The following ABCC8 variants were observed in gnomAD, a reference collection of about 807,000 sequenced individuals.
The protein encoded by ABCC8 is ATP binding cassette subfamily C member 8.
In ABCC8, 137 loss-of-function variants were observed where a neutral mutation model predicts 188.0. The observed-to-expected ratio is 0.73, with a 90% CI of 0.63 to 0.84. ABCC8 has a LOEUF of 0.84. Among genes scored for constraint, ABCC8 ranks in the 40% least tolerant of loss-of-function variants. ABCC8 has a pLI of 0.00. For missense variants in ABCC8, 1,750 were observed against 2,072.7 expected, an observed-to-expected ratio of 0.84 and a Z score of 3.02; for synonymous variants, 797 against 846.5, an observed-to-expected ratio of 0.94 and a Z score of 1.01.
Position 17,410,510 on chromosome 11 carries a change from C to T in ABCC8, c.2694+6G>A. The T allele has an allele frequency of 6.2e-7, 1 of 1,614,150 alleles. No individual in the cohort carries two copies. The highest frequency in any genetic ancestry group is 8.5e-7 in the Non-Finnish European group (1 of 1,180,002). On this transcript the variant is annotated splice_donor_region_variant and intron_variant, in intron 22 of 38. Coordinates refer to ENST00000389817, the MANE Select transcript of ABCC8 (RefSeq NM_000352.6). ...CCTATAGCCTGACCCCCTTGTTCCC[C>T]CTCACCCAGTCTGCATGGGGCAGGT...
chr11:17,468,881 C>T (rs1250636641), intron 3 of ABCC8, among the ~76,000 whole-genome samples: 1 of 152,120 alleles, frequency 6.6e-6, no homozygotes, highest in African/African-American at 2.4e-5. Context: ...CAACCATCAT[C>T]CTGTTGCTTC....
chr11:17,441,510 T>C (rs143178690), intron 10 of ABCC8, among the ~76,000 whole-genome samples: 184 of 152,372 alleles, frequency 1.2e-3, no homozygotes, highest in African/African-American at 4.2e-3. Flanking sequence ...GTTTCTTTTT[T>C]GTTTTCTTCT....
chr11:17,397,636 G>A (rs2133410569), intron 31 of ABCC8, 48 bp downstream of exon 31: 1 of 1,591,422 alleles, frequency 6.3e-7, no homozygotes, highest in Middle Eastern at 1.7e-4. Flanking sequence ...GGTGCTCCGG[G>A]AGTGCTGGTG....
chr11:17,392,579 A>G (rs1953689003), downstream of ABCC8: 2 of 348,130 alleles, frequency 5.7e-6, no homozygotes, highest in South Asian at 2.3e-5. Context: ...AGTAAAGGTC[A>G]TGTGAGCACA....
intron 7 of ABCC8, among the ~76,000 whole-genome samples, chr11:17,450,682 C>A (rs1208802650): frequency 1.0e-5 from 1 of 97,808 alleles, no homozygotes; most frequent in East Asian, 3.1e-4. Flanking sequence ...CAGGCATGAG[C>A]CACTTTTTTT....
At chr11:17,398,234 C>T (rs1321870856) in intron 30 of ABCC8, 105 bp downstream of exon 30, 3 of 1,448,834 alleles carry the variant, frequency 2.1e-6, no homozygotes, top group East Asian at 2.4e-5. Flanking sequence ...TTGGTGTCCA[C>T]ACGATCTGGT....
At chr11:17,417,792 C>T (rs533655908) in intron 16 of ABCC8, among the ~76,000 whole-genome samples, 1 of 152,238 alleles carries the variant, frequency 6.6e-6, no homozygotes, top group East Asian at 1.9e-4. Flanking sequence ...TCCTGTTGCC[C>T]AGGCTGGAGT....
At chr11:17,428,746 G>C in intron 12 of ABCC8, 76 bp from the exon 13 acceptor site, 1 of 1,588,822 alleles carries the variant, frequency 6.3e-7, no homozygotes, top group South Asian at 1.1e-5. Context: ...GCCTGATAGA[G>C]AGCTCTGAGC....
intron 12 of ABCC8, 27 bp downstream of exon 12, chr11:17,430,787 G>A (rs1023327381): frequency 5.0e-6 from 8 of 1,610,902 alleles, no homozygotes; most frequent in Non-Finnish European, 6.8e-6. Flanking sequence ...TGCCTGCCCA[G>A]TGCCCTCGCC....
Position 17,414,574 on chromosome 11 carries a change from T to C in ABCC8, c.2328A>G (p.Pro776=), listed in dbSNP as rs1954973238. The change falls in exon 19 of 39, where the codon CCA becomes CCG. Residue 776 remains proline, a synonymous_variant. Transcript: ENST00000389817. ...RGPVAYASQK[P]WLLNATVEEN... is the part of the protein sequence containing the mutation. Reference sequence around the variant, plus strand: ...CCTCCACAGTGGCATTTAGCAGCCATGGTTTCTGCGAAGCATAGGCCACGG... The same window carrying C: ...CCTCCACAGTGGCATTTAGCAGCCACGGTTTCTGCGAAGCATAGGCCACGG... The C allele has an allele frequency of 1.9e-6, 3 of 1,614,220 alleles. No individual in the cohort carries two copies. The highest frequency in any genetic ancestry group is 2.5e-6 in the Non-Finnish European group (3 of 1,180,048).
At chr11:17,467,449 C>T (rs959924883) in intron 3 of ABCC8, among the ~76,000 whole-genome samples, 3 of 151,970 alleles carry the variant, frequency 2.0e-5, no homozygotes, top group Non-Finnish European at 4.4e-5. Context: ...ACCCACGCCA[C>T]TCTTCTTCTT....
chr11:17,395,147 C>T (rs1465045622), intron 36 of ABCC8, 25 bp downstream of exon 36: 1 of 1,556,004 alleles, frequency 6.4e-7, no homozygotes, highest in South Asian at 1.2e-5. Flanking sequence ...CCAACCAACC[C>T]AGCTGCATAG....
chr11:17,462,806 A>G (rs529623855), intron 4 of ABCC8, among the ~76,000 whole-genome samples: 19 of 152,292 alleles, frequency 1.2e-4, no homozygotes, highest in African/African-American at 3.9e-4. Flanking sequence ...AAACTGCATA[A>G]TATGATCCCA....
chr11:17,476,838 G>A lies in ABCC8; in HGVS notation c.-62C>T. 7.0e-7 allele frequency: 1 copy of A among 1,432,352 alleles called. No individual in the cohort carries two copies. 88.7% of individuals were successfully genotyped at this position (1,432,352 alleles called of 1,614,324 possible). A position where few individuals can be genotyped will look rare whatever the true frequency, so the allele number is the denominator to read the frequency against. ...GCTCCGCTGGCTCCGCGCGCCTGCC[G>A]CGCCTCTGTCCCTTGCAGCTCCGCC... On this transcript the variant is annotated 5_prime_UTR_variant, in exon 1 of 39. Transcript: ENST00000389817.
At chr11:17,466,355 C>A (rs934537324) in intron 3 of ABCC8, among the ~76,000 whole-genome samples, 21 of 145,022 alleles carry the variant, frequency 1.4e-4, no homozygotes, top group Non-Finnish European at 3.0e-4. Context: ...GCCGAGATTG[C>A]ACCACTGCAC....
intron 6 of ABCC8, among the ~76,000 whole-genome samples, chr11:17,456,314 C>G (rs1956995032): frequency 6.6e-6 from 1 of 152,150 alleles, no homozygotes; most frequent in South Asian, 2.1e-4. Flanking sequence ...AGTTATTACA[C>G]ATTTTGCATT....
chr11:17,453,581 C>T (rs1179730896), intron 6 of ABCC8, among the ~76,000 whole-genome samples: 1 of 152,166 alleles, frequency 6.6e-6, no homozygotes, highest in Non-Finnish European at 1.5e-5. Context: ...GCCACAGACC[C>T]AGGGGAGAGC....
intron 10 of ABCC8, chr11:17,435,920 A>G (rs1240098938): frequency 6.9e-7 from 1 of 1,459,254 alleles, no homozygotes; most frequent in African/African-American, 1.4e-5. Flanking sequence ...AACAGGGCCA[A>G]CATGCCAAAA....
rs1457853047 is a variant in ABCC8, at chr11:17,427,615, C to T, written c.2116+252G>A. Among the ~76,000 whole-genome samples, 1 of 152,182 alleles carries T rather than the reference C, an allele frequency of 6.6e-6. No individual in the cohort carries two copies. Among genetic ancestry groups the T allele is most frequent in the African/African-American group, 2.4e-5 (1 of 41,450 alleles). ...GCTACCCACTTCTGATCTTTTTGTG[C>T]ATTACCTATACTGTCTGCAATGGAT... On this transcript the variant is annotated intron_variant, in intron 15 of 38. Coordinates refer to ENST00000389817, the MANE Select transcript of ABCC8 (RefSeq NM_000352.6). This position sits in a 1 kb window ranked among gnomAD's most constrained non-coding sequence, Gnocchi z 5.0.
Sources: allele counts gnomAD v4.1 joint callset (sites outside exome capture counted in the v4.1 genomes callset), GRCh38; gene constraint gnomAD v4.1.1; non-coding constraint Gnocchi (gnomAD v3.1); transcripts MANE v1.5; gene names NCBI Gene and HGNC (gene_info 2026-07-23, HGNC 2026-07-21).